Variants in CAPZB observed in about 807,000 individuals in gnomAD.
The protein encoded by CAPZB is F-actin-capping protein subunit beta.
A neutral mutation model predicts 38.1 loss-of-function variants in CAPZB; 2 were observed. The observed-to-expected ratio is 0.05, with a 90% confidence interval of 0.02 to 0.17. The LOEUF is 0.17. Among genes scored for constraint, CAPZB ranks in the 10% least tolerant of loss-of-function variants. CAPZB has a pLI of 1.00. For missense variants in CAPZB, 161 were observed against 334.2 expected, an observed-to-expected ratio of 0.48 and a Z score of 4.04; for synonymous variants, 107 against 127.4, an observed-to-expected ratio of 0.84 and a Z score of 1.08.
Position 19,412,691 on chromosome 1 carries a change from C to T in CAPZB, c.93+6970G>A, listed in dbSNP as rs2094362463. ...TGTGTATTTGCTCTTCTTTCTTCCT[C>T]TATTGACATGAGTACTTTGGGGAAA... On this transcript the variant is annotated intron_variant, in intron 2 of 8. Transcript: ENST00000264202. 2.0e-5 allele frequency among the ~76,000 whole-genome samples: 3 copies of T among 152,298 alleles called. No homozygotes were observed. In the South Asian group the frequency reaches 6.2e-4, roughly 32 times the overall value.
intron 8 of CAPZB, among the ~76,000 whole-genome samples, chr1:19,341,419 G>T (rs999358746): frequency 2.0e-5 from 3 of 152,178 alleles, no homozygotes; most frequent in Non-Finnish European, 4.4e-5. Context: ...AAGCCCGCCA[G>T]GTCTTGGCTG....
At chr1:19,373,517 TGAA>T (rs780074878) in intron 4 of CAPZB, among the ~76,000 whole-genome samples, 26 of 152,144 alleles carry the variant, frequency 1.7e-4, no homozygotes, top group African/African-American at 4.1e-4. Context: ...CAGGATCCAG[TGAA>T]GAAGATTTTT....
intron 1 of CAPZB, among the ~76,000 whole-genome samples, chr1:19,451,565 G>C (rs2094516094): frequency 6.6e-6 from 1 of 152,096 alleles, no homozygotes; most frequent in Non-Finnish European, 1.5e-5. Flanking sequence ...CCACCTTAGT[G>C]ATCTGACCCT....
intron 4 of CAPZB, among the ~76,000 whole-genome samples, chr1:19,376,756 C>A (rs1202849732): frequency 6.6e-6 from 1 of 152,230 alleles, no homozygotes; most frequent in African/African-American, 2.4e-5. Context: ...TCATCTACCA[C>A]GTACGAGGTG....
intron 2 of CAPZB, among the ~76,000 whole-genome samples, chr1:19,390,073 A>G (rs2094224781): frequency 6.6e-6 from 1 of 152,230 alleles, no homozygotes; most frequent in Non-Finnish European, 1.5e-5. Flanking sequence ...GTAAGTGGAT[A>G]TTAATCCTGT....
chr1:19,427,160 T>G (rs1046279385), intron 1 of CAPZB, among the ~76,000 whole-genome samples: 1 of 152,240 alleles, frequency 6.6e-6, no homozygotes, highest in Non-Finnish European at 1.5e-5. Context: ...TAAAACCCAC[T>G]GTTTTTAATT....
chr1:19,381,359 G>A (rs1196042860), intron 3 of CAPZB, among the ~76,000 whole-genome samples: 1 of 146,502 alleles, frequency 6.8e-6, no homozygotes, highest in African/African-American at 2.5e-5. Flanking sequence ...CCTCACCCTC[G>A]ACTGCAAGAG....
chr1:19,378,507 A>T, intron 4 of CAPZB, 33 bp downstream of exon 4: 1 of 1,220,924 alleles, frequency 8.2e-7, no homozygotes, highest in Non-Finnish European at 1.2e-6. Context: ...AAAACTCACA[A>T]GCGCTAAAGT....
intron 1 of CAPZB, among the ~76,000 whole-genome samples, chr1:19,472,998 T>C (rs1244456878): frequency 6.6e-6 from 1 of 152,168 alleles, no homozygotes; most frequent in African/African-American, 2.4e-5. Context: ...ATTACAGGTG[T>C]GAGCCACAGT....
intron 6 of CAPZB, among the ~76,000 whole-genome samples, chr1:19,349,629 C>G (rs10159367): frequency 0.042 from 6,464 of 152,230 alleles, 461 homozygotes; most frequent in African/African-American, 0.15. Context: ...CCTTGGCCAA[C>G]AAAGGTAGGA....
At chr1:19,360,046 T>C (rs1047030586) in intron 4 of CAPZB, among the ~76,000 whole-genome samples, 1 of 152,184 alleles carries the variant, frequency 6.6e-6, no homozygotes, top group Non-Finnish European at 1.5e-5. Flanking sequence ...CATTCTGCAA[T>C]GTTCCTGGAA....
At chr1:19,390,156 C>A (rs776384521) in intron 2 of CAPZB, among the ~76,000 whole-genome samples, 1 of 152,250 alleles carries the variant, frequency 6.6e-6, no homozygotes. Context: ...CTACACTCAT[C>A]TGAACCCCGG....
intron 4 of CAPZB, among the ~76,000 whole-genome samples, chr1:19,362,282 G>A (rs958027803): frequency 2.0e-5 from 3 of 152,128 alleles, no homozygotes; most frequent in African/African-American, 7.2e-5. Context: ...TGTCGCCCAG[G>A]CTGGAGTGCA....
chr1:19,410,708 G>A (rs1002958872), intron 2 of CAPZB, among the ~76,000 whole-genome samples: 5 of 152,130 alleles, frequency 3.3e-5, no homozygotes, highest in Admixed American at 6.5e-5. Context: ...ATTCTTCCCA[G>A]GCCCTCATTA....
Position 19,449,136 on chromosome 1 carries a change from G to A in CAPZB, c.4-29386C>T, listed in dbSNP as rs1035680190. On this transcript the variant is annotated intron_variant, in intron 1 of 8. Coordinates refer to ENST00000264202, the MANE Select transcript of CAPZB (RefSeq NM_004930.5). ...TCCATTGCCACAAAAACTCCTGACC[G>A]TAGAGTCTCTGTAAGGCTGATAACG... The A allele has an allele frequency of 5.4e-5, 76 of 1,395,776 alleles. 2 individuals are homozygous for A. The South Asian group carries it at 6.0e-4, about 11-fold the overall frequency. The allele number at this position is 1,395,776 out of a possible 1,614,324, so 86.5% of individuals were successfully genotyped here. A position where few individuals can be genotyped will look rare whatever the true frequency, so the allele number is the denominator to read the frequency against.
intron 1 of CAPZB, among the ~76,000 whole-genome samples, chr1:19,465,650 T>C (rs2094566454): frequency 6.6e-6 from 1 of 152,132 alleles, no homozygotes; most frequent in Admixed American, 6.6e-5. Flanking sequence ...GTCAGGGATA[T>C]AGGCACCAAA....
intron 1 of CAPZB, among the ~76,000 whole-genome samples, chr1:19,422,661 C>T (rs975821591): frequency 7.9e-5 from 12 of 151,710 alleles, no homozygotes; most frequent in South Asian, 2.1e-4. Context: ...GGCATGAACC[C>T]GGGAGGCAGA....
At chr1:19,368,495 GAAA>G (rs33961282) in intron 4 of CAPZB, among the ~76,000 whole-genome samples, 2,436 of 112,712 alleles carry the variant, frequency 0.022, 69 homozygotes, top group African/African-American at 0.072. Flanking sequence ...TTTTTTCTTG[GAAA>G]AAAAAAAAAA....
chr1:19,480,511 G>A (rs1362757723), intron 1 of CAPZB, among the ~76,000 whole-genome samples: 1 of 152,190 alleles, frequency 6.6e-6, no homozygotes, highest in African/African-American at 2.4e-5. Context: ...TATGTAGCTG[G>A]CGCTAAGTGC....
Sources: allele counts gnomAD v4.1 joint callset (sites outside exome capture counted in the v4.1 genomes callset), GRCh38; gene constraint gnomAD v4.1.1; transcripts MANE v1.5; gene names NCBI Gene and HGNC (gene_info 2026-07-23, HGNC 2026-07-21).